The following NBPF19 variants were observed in gnomAD, a reference collection of about 807,000 sequenced individuals.
NBPF19 encodes NBPF family member NBPF19.
Under a neutral mutation model 45.9 loss-of-function variants are expected in NBPF19, and 30 were observed. The ratio of observed to expected loss-of-function variants is 0.65; its 90% CI spans 0.49 to 0.89. The LOEUF is 0.89. Ranked by LOEUF, NBPF19 falls within the 40% of genes least tolerant of loss-of-function variation. The pLI is 0.00. For synonymous variants in NBPF19, 183 were observed against 181.2 expected (o/e 1.01, Z -0.08); for missense variants, 495 against 471.8 (o/e 1.05, Z -0.46).
chr1:149,495,639 T>TTC (rs1189152628), intron 19 of NBPF19, among the ~76,000 whole-genome samples: 54 of 47,924 alleles, frequency 1.1e-3, no homozygotes, highest in African/African-American at 4.1e-3. Flanking sequence ...ACTGAGCTCG[T>TTC]TCTCTCTCTC....
chr1:149,484,556 G>GAA (rs1198180401), intron 7 of NBPF19, among the ~76,000 whole-genome samples: 4 of 118,992 alleles, frequency 3.4e-5, no homozygotes, highest in Non-Finnish European at 7.4e-5. Flanking sequence ...TATACATATG[G>GAA]AAAAAAAAAA....
intron 8 of NBPF19, among the ~76,000 whole-genome samples, chr1:149,486,761 G>C (rs1390290946): frequency 6.6e-6 from 1 of 150,800 alleles, no homozygotes; most frequent in African/African-American, 2.4e-5. Context: ...GTTTCACTGA[G>C]TTTATTCCCA....
rs2087206738 is a variant in NBPF19 at position 149,554,791 on chromosome 1, A to C, written c.*53A>C. The C allele has an allele frequency of 6.2e-7, 1 of 1,605,932 alleles. No homozygotes were observed. On this transcript the variant is annotated 3_prime_UTR_variant, in exon 94 of 94. Transcript: ENST00000651566. ...ATTCCTGCAGGCAGGACCTATAGGC[A>C]CGTGAAGATTTGAATGAAACTACAG...
rs1425348485 is a variant in NBPF19, at chr1:149,483,669, C to T, written c.824+1443C>T. The stretch of plus-strand genomic sequence containing the variant: ...GGCATGTTTTTGCAGTGGCTGGTAC[C>T]GGTTGTTCCTTTCCATGTTTAGTGC... On this transcript the variant is annotated intron_variant, in intron 7 of 93. Coordinates refer to ENST00000651566, the MANE Select transcript of NBPF19 (RefSeq NM_001351365.2). 1.3e-4 allele frequency among the ~76,000 whole-genome samples: 18 copies of T among 141,308 alleles called. 1 individual carries two copies. The highest frequency in any genetic ancestry group is 3.1e-4 in the African/African-American group (12 of 38,224). 92.7% of individuals were successfully genotyped at this position (141,308 alleles called of 152,430 possible).
In NBPF19 at chr1:149,480,089, G is replaced by C. The variant is rs2085084333; in HGVS notation, c.494-53G>C. On this transcript the variant is annotated intron_variant, in intron 4 of 93. Transcript: ENST00000651566. ...CTCTGTTGCACATTGGGCTGACTGT[G>C]CTTGCAGACTGTGAAGTGGGAAATA... The C allele has an allele frequency of 5.9e-6, 4 of 674,646 alleles. No individual in the cohort carries two copies. The Admixed American group carries it at 6.3e-5, about 11-fold the overall frequency. 41.8% of individuals were successfully genotyped at this position (674,646 alleles called of 1,614,324 possible).
chr1:149,487,606 A>C (rs1280353478), intron 9 of NBPF19, among the ~76,000 whole-genome samples: 18 of 150,674 alleles, frequency 1.2e-4, no homozygotes, highest in Non-Finnish European at 1.9e-4. Flanking sequence ...CATACCTCAA[A>C]AGCTGTATTC....
intron 7 of NBPF19, among the ~76,000 whole-genome samples, chr1:149,483,630 G>T (rs2085339154): frequency 1.3e-5 from 2 of 149,336 alleles, no homozygotes; most frequent in South Asian, 4.3e-4. Context: ...TAGCGTCAAT[G>T]GTCTTTACAG....
rs1474375916 is a variant in NBPF19, at chr1:149,556,004, G to A, written c.*1266G>A. On this transcript the variant is annotated 3_prime_UTR_variant, in exon 94 of 94. Transcript: ENST00000651566. ...CTTATAATGAAGTACTTGGGAAAGC[G>A]GTTTTCAAGAGTATAAATATCCTGT... 1.6e-3 allele frequency: 226 copies of A among 142,058 alleles called. 2 individuals are homozygous for A. Among genetic ancestry groups the A allele is most frequent in the South Asian group, 5.3e-3 (22 of 4,150 alleles). The allele number at this position is 142,058 out of a possible 1,614,324, so 8.8% of individuals were successfully genotyped here.
At chr1:149,481,305 T>C (rs2085167612) in intron 6 of NBPF19, among the ~76,000 whole-genome samples, 5 of 131,346 alleles carry the variant, frequency 3.8e-5, no homozygotes, top group African/African-American at 1.2e-4. Flanking sequence ...TCAGCTTTCA[T>C]CTGGATCTCC....
At chr1:149,510,957 ATTC>A in intron 38 of NBPF19, 106 bp from the exon 39 acceptor site, 2 of 50 alleles carry the variant, frequency 0.04, no homozygotes, top group Non-Finnish European at 0.053. Context: ...ACAGTGTCCT[ATTC>A]TTATGCTGAG....
At chr1:149,487,923 C>CT in intron 9 of NBPF19, 90 bp from the exon 10 acceptor site, 1 of 732,798 alleles carries the variant, frequency 1.4e-6, no homozygotes, top group Non-Finnish European at 2.5e-6. Flanking sequence ...TCTTTTCAAA[C>CT]TCTTCCTTAT....
chr1:149,488,331 A>G, intron 10 of NBPF19, 146 bp downstream of exon 10: 4 of 632,112 alleles, frequency 6.3e-6, no homozygotes. Flanking sequence ...ATGAAACTCT[A>G]GTTCCACTTG....
chr1:149,477,258 G>C (rs1235202784), intron 2 of NBPF19, among the ~76,000 whole-genome samples: 1 of 150,720 alleles, frequency 6.6e-6, no homozygotes, highest in African/African-American at 2.4e-5. Context: ...AACATTAATT[G>C]GCACAGTGGA....
chr1:149,554,493 A>T lies in NBPF19; in HGVS notation c.11289-2A>T, dbSNP rs1290789651. 13 of 1,607,654 alleles carry T rather than the reference A, an allele frequency of 8.1e-6. 1 individual carries two copies. Among genetic ancestry groups the T allele is most frequent in the African/African-American group, 1.3e-5 (1 of 74,454 alleles). ...CTTCTTTAGTTTTGTCTCCTTTTCC[A>T]GGCTCAACAGCGTGCTGATGGAAGT... On this transcript the variant is annotated splice_acceptor_variant, in intron 93 of 93. Coordinates refer to ENST00000651566, the MANE Select transcript of NBPF19 (RefSeq NM_001351365.2). LOFTEE classifies it high-confidence loss of function.
intron 93 of NBPF19, among the ~76,000 whole-genome samples, chr1:149,554,124 G>A (rs1181047691): frequency 2.9e-5 from 4 of 138,014 alleles, no homozygotes; most frequent in East Asian, 2.2e-4. Flanking sequence ...CCACTGCATC[G>A]AATTTTGAGC....
At chr1:149,490,930 G>T (rs2085834008) in intron 13 of NBPF19, among the ~76,000 whole-genome samples, 1 of 136,184 alleles carries the variant, frequency 7.3e-6, no homozygotes, top group Non-Finnish European at 1.5e-5. Context: ...GCGTGTGTGT[G>T]TGTGTGTGTG....
In NBPF19 at chr1:149,553,788, G is replaced by A; in HGVS notation, c.11194G>A (p.Gly3732Arg). 9.9e-5 allele frequency: 13 copies of A among 131,752 alleles called. No individual in the cohort carries two copies. Among genetic ancestry groups the A allele is most frequent in the Non-Finnish European group, 1.4e-4 (11 of 79,056 alleles). 8.2% of individuals were successfully genotyped at this position (131,752 alleles called of 1,614,324 possible). A position where few individuals can be genotyped will look rare whatever the true frequency, so the allele number is the denominator to read the frequency against. Residue 3732 changes from glycine to arginine, a missense_variant, in exon 93 of 94, where the codon GGG becomes AGG. This residue lies in a region of NBPF19 where 248 missense variants were observed against 95.4 expected (regional missense o/e 2.60). Coordinates refer to ENST00000651566, the MANE Select transcript of NBPF19 (RefSeq NM_001351365.2). ...SLDVGEIEKK[G>R]KGKKRRGRRS... ...ATTTATTGCAGAAATTGAAAAGAAG[G>A]GGAAGGGGAAGAAAAGAAGGGGAAG...
intron 4 of NBPF19, among the ~76,000 whole-genome samples, chr1:149,479,792 A>C (rs2101558415): frequency 6.6e-6 from 1 of 151,080 alleles, no homozygotes; most frequent in East Asian, 1.9e-4. Context: ...GAGGTTTGAA[A>C]TGCAAACCGT....
intron 7 of NBPF19, among the ~76,000 whole-genome samples, chr1:149,484,468 C>G (rs1347329180): frequency 8.5e-4 from 120 of 141,848 alleles, no homozygotes; most frequent in African/African-American, 3.2e-3. Flanking sequence ...GCACGTTGTG[C>G]ACATGTACCC....
Sources: allele counts gnomAD v4.1 joint callset (sites outside exome capture counted in the v4.1 genomes callset), GRCh38; gene constraint gnomAD v4.1.1; regional missense constraint gnomAD v4.1.1; transcripts MANE v1.5; gene names NCBI Gene and HGNC (gene_info 2026-07-23, HGNC 2026-07-21).